MANBA: variants seen among roughly 807,000 people sequenced by gnomAD.
MANBA encodes mannosidase beta.
In MANBA, 83 loss-of-function variants were observed where a neutral mutation model predicts 111.1. The ratio of observed to expected loss-of-function variants is 0.75; its 90% CI spans 0.63 to 0.90. The LOEUF is 0.90. Ranked by LOEUF, MANBA falls within the 40% of genes least tolerant of loss-of-function variation. The pLI is 0.00. For missense variants in MANBA, 1,036 were observed against 1,069.0 expected, an observed-to-expected ratio of 0.97 and a Z score of 0.43; for synonymous variants, 370 against 378.7, an observed-to-expected ratio of 0.98 and a Z score of 0.27.
chr4:102,747,622 G>T (rs1486529862), intron 1 of MANBA, among the ~76,000 whole-genome samples: 1 of 152,130 alleles, frequency 6.6e-6, no homozygotes, highest in East Asian at 1.9e-4. Context: ...TGTCAAATAG[G>T]ATCTTCAGCT....
rs565809284 is a variant in MANBA, at chr4:102,711,795, G to A, written c.673+2643C>T. On this transcript the variant is annotated intron_variant, in intron 5 of 16. Transcript: ENST00000647097. ...ATGGAACTGGAGGTCATTATGTTAA[G>A]TGAAATTAGACAGAGAAAGACAAAT... Among the ~76,000 whole-genome samples the A allele has an allele frequency of 5.9e-5, 9 of 152,284 alleles. No homozygotes were observed. In the South Asian group the frequency reaches 1.9e-3, roughly 32 times the overall value.
At chr4:102,730,143 T>C (rs1722978251) in intron 1 of MANBA, 2 of 1,198,216 alleles carry the variant, frequency 1.7e-6, no homozygotes, top group Non-Finnish European at 2.3e-6. Context: ...GGACACCTTG[T>C]AGGACTTCTG....
rs564934279 is a variant in MANBA, at chr4:102,737,628, G to A, written c.178-10945C>T. ...CTCCTGAGTAGCTGGGACCACAGGC[G>A]CCCGCCACCACGCCTGGCTAATTTT... is the stretch of plus-strand genomic sequence containing the variant. On this transcript the variant is annotated intron_variant, in intron 1 of 16. Coordinates refer to ENST00000647097, the MANE Select transcript of MANBA (RefSeq NM_005908.4). Among the ~76,000 whole-genome samples the A allele has an allele frequency of 1.5e-3, 226 of 152,102 alleles. 1 individual carries two copies. The highest frequency in any genetic ancestry group is 2.4e-3 in the Admixed American group (37 of 15,278).
At chr4:102,729,306 C>T (rs1722934597) in intron 1 of MANBA, 1 of 754,162 alleles carries the variant, frequency 1.3e-6, no homozygotes, top group South Asian at 1.4e-5. Context: ...CCAGCATCTG[C>T]AGCTCCTCAT....
chr4:102,712,702 A>G (rs1722133346), intron 5 of MANBA, among the ~76,000 whole-genome samples: 1 of 151,818 alleles, frequency 6.6e-6, no homozygotes, highest in East Asian at 1.9e-4. Context: ...TATTTTTTGT[A>G]TTTTTTGTCA....
intron 1 of MANBA, among the ~76,000 whole-genome samples, chr4:102,756,048 T>C (rs1723998488): frequency 6.6e-6 from 1 of 152,182 alleles, no homozygotes; most frequent in Non-Finnish European, 1.5e-5. Context: ...ATTTCAACCA[T>C]TGTGGAAGAC....
chr4:102,645,774 G>A (rs1468261709), intron 13 of MANBA, among the ~76,000 whole-genome samples: 1 of 151,356 alleles, frequency 6.6e-6, no homozygotes, highest in Non-Finnish European at 1.5e-5. Context: ...CTTTTTTCTG[G>A]GCCAGTCTAA....
At chr4:102,721,205 T>A in intron 4 of MANBA, among the ~76,000 whole-genome samples, 1 of 152,236 alleles carries the variant, frequency 6.6e-6, no homozygotes, top group African/African-American at 2.4e-5. Context: ...ATGCGTGGAA[T>A]CCCAGCTACT....
intron 5 of MANBA, among the ~76,000 whole-genome samples, chr4:102,703,721 G>T (rs768649563): frequency 6.6e-6 from 1 of 151,946 alleles, no homozygotes; most frequent in Non-Finnish European, 1.5e-5. Context: ...ACCTTACTTC[G>T]TTCCCCCTAT....
At position 102,708,608 on chromosome 4, in the gene MANBA, A is replaced by G. The variant is rs368979156; in HGVS notation, c.673+5830T>C. On this transcript the variant is annotated intron_variant, in intron 5 of 16. Transcript: ENST00000647097. ...TCCTCAAGGAACTAGAAAAACAAGA[A>G]CAAACTCAATCCAAAATTAGAAGAA... Among the ~76,000 whole-genome samples the G allele has an allele frequency of 4.6e-4, 70 of 152,188 alleles. 2 individuals are homozygous for G. In the South Asian group the frequency reaches 0.014, roughly 31 times the overall value.
intron 13 of MANBA, among the ~76,000 whole-genome samples, chr4:102,645,850 A>G (rs978711263): frequency 2.0e-5 from 3 of 152,078 alleles, no homozygotes; most frequent in Admixed American, 2.0e-4. Context: ...GGTTTTCTCC[A>G]GTGTTCTAAT....
chr4:102,690,851 T>C (rs934960104), intron 5 of MANBA, 80 bp from the exon 6 acceptor site: 1 of 536,742 alleles, frequency 1.9e-6, no homozygotes. Context: ...TCAGGATTCA[T>C]TGAAGGTAAG....
chr4:102,630,974 AGTCCTCCCTGCCTCGCAGCAATGC>A lies in MANBA; in HGVS notation c.*1059_*1082del, dbSNP rs1405510435. Reference sequence around the variant, plus strand: ...AACATGCACAGGTGTCAAGAAGAGCAGTCCTCCCTGCCTCGCAGCAATGCTTTGCTAAAACAGGATTTACAATAG... The same window carrying A: ...AACATGCACAGGTGTCAAGAAGAGCATTTGCTAAAACAGGATTTACAATAG... On this transcript the variant is annotated 3_prime_UTR_variant, in exon 17 of 17. Transcript: ENST00000647097. The A allele has an allele frequency of 6.6e-6, 1 of 152,238 alleles. No homozygotes were observed. The highest frequency in any genetic ancestry group is 1.5e-5 in the Non-Finnish European group (1 of 68,052). The allele number at this position is 152,238 out of a possible 1,614,324, so 9.4% of individuals were successfully genotyped here.
chr4:102,634,869 G>A lies in MANBA; in HGVS notation c.2334C>T (p.Asp778=), dbSNP rs758942493. The A allele has an allele frequency of 4.3e-6, 7 of 1,614,050 alleles. No individual in the cohort carries two copies. Among genetic ancestry groups the A allele is most frequent in the Non-Finnish European group, 5.9e-6 (7 of 1,180,012 alleles). ...SCVVSFYLSA[D]HELLSPTNYH... ...AGTTGGTCGGGCTCAGGAGTTCATGGTCAGCTGAAAGGTAAAAGGAAACCA... is the reference window on the plus strand; with the variant it reads ...AGTTGGTCGGGCTCAGGAGTTCATGATCAGCTGAAAGGTAAAAGGAAACCA... Residue 778 remains aspartate (D), a synonymous_variant, in exon 16 of 17, where the codon GAC becomes GAT. Coordinates refer to ENST00000647097, the MANE Select transcript of MANBA (RefSeq NM_005908.4).
intron 1 of MANBA, among the ~76,000 whole-genome samples, chr4:102,755,068 G>A (rs556079135): frequency 6.6e-6 from 1 of 152,162 alleles, no homozygotes; most frequent in Non-Finnish European, 1.5e-5. Context: ...TAGATTCAAC[G>A]CCATCCCCAT....
At chr4:102,647,333 A>G (rs1730147349) in intron 13 of MANBA, among the ~76,000 whole-genome samples, 1 of 150,496 alleles carries the variant, frequency 6.6e-6, no homozygotes, top group Non-Finnish European at 1.5e-5. Flanking sequence ...AGAGGACACT[A>G]GTGCTAAATT....
At chr4:102,685,675 C>T (rs990126304) in intron 7 of MANBA, among the ~76,000 whole-genome samples, 2 of 152,076 alleles carry the variant, frequency 1.3e-5, no homozygotes, top group South Asian at 4.1e-4. Flanking sequence ...GCTTTCCATT[C>T]TCTTAATGGT....
At chr4:102,636,122 G>C in intron 14 of MANBA, 115 bp from the exon 15 acceptor site, 1 of 912,174 alleles carries the variant, frequency 1.1e-6, no homozygotes, top group Admixed American at 1.9e-5. Context: ...GCATGTGAGG[G>C]AGAGTCAACA....
chr4:102,659,116 C>G (rs948598709), intron 11 of MANBA: 4 of 152,152 alleles, frequency 2.6e-5, no homozygotes, highest in Non-Finnish European at 4.4e-5. Flanking sequence ...TACAACAAAT[C>G]TCTTTTGAGT....
Sources: allele counts gnomAD v4.1 joint callset (sites outside exome capture counted in the v4.1 genomes callset), GRCh38; gene constraint gnomAD v4.1.1; transcripts MANE v1.5; gene names NCBI Gene and HGNC (gene_info 2026-07-23, HGNC 2026-07-21).